DAZAP1: variants seen among roughly 807,000 people sequenced by gnomAD.
DAZAP1 encodes the protein DAZ-associated protein 1.
DAZAP1 carries 6 observed loss-of-function variants against 60.1 expected under a neutral mutation model. The observed-to-expected ratio is 0.10, with a 90% CI of 0.05 to 0.20. The LOEUF is 0.20. DAZAP1 is among the 10% of genes least tolerant of loss of function. The pLI is 1.00. For missense variants in DAZAP1, 366 were observed against 560.4 expected, an observed-to-expected ratio of 0.65 and a Z score of 3.50; for synonymous variants, 235 against 215.9, an observed-to-expected ratio of 1.09 and a Z score of -0.78.
chr19:1,412,858 A>G (rs1038386193), intron 1 of DAZAP1, among the ~76,000 whole-genome samples: 3 of 152,208 alleles, frequency 2.0e-5, no homozygotes, highest in Non-Finnish European at 2.9e-5. Flanking sequence ...GATGTTCATC[A>G]TGACCTTTGA....
At position 1,433,674 on chromosome 19, in the gene DAZAP1, T is replaced by C; in HGVS notation, c.1048+984T>C. ...TGAGGCGCCCGGTTGGGGCGTGGCG[T>C]GTGTCAGCCGCTGCTCTTGGTGGCG... On this transcript the variant is annotated intron_variant, in intron 11 of 11. Coordinates refer to ENST00000233078, the MANE Select transcript of DAZAP1 (RefSeq NM_018959.4). This position sits in a 1 kb window ranked among gnomAD's most constrained non-coding sequence, Gnocchi z 6.1. The C allele has an allele frequency of 7.4e-7, 1 of 1,353,896 alleles. No individual in the cohort carries two copies. The highest frequency in any genetic ancestry group is 1.1e-6 in the Non-Finnish European group (1 of 948,176). 83.9% of individuals were successfully genotyped at this position (1,353,896 alleles called of 1,614,324 possible). A position where few individuals can be genotyped will look rare whatever the true frequency, so the allele number is the denominator to read the frequency against.
In DAZAP1 at chr19:1,434,836, G is replaced by A; in HGVS notation, c.1148G>A (p.Gly383Asp). 2 of 1,553,352 alleles carry A rather than the reference G, an allele frequency of 1.3e-6. No homozygotes were observed. Among genetic ancestry groups the A allele is most frequent in the Non-Finnish European group, 1.7e-6 (2 of 1,152,938 alleles). Residue 383 changes from glycine to aspartate, a missense_variant, in exon 12 of 12, where the codon GGC becomes GAC. Gly to Asp is a moderately conservative substitution (Grantham distance 94). Transcript: ENST00000233078. The surrounding 1 kb of genome is among the most constrained non-coding windows in gnomAD (Gnocchi z 8.0). ...GGTCCCTCCGTGCCAGGGTCGGGGG[G>A]CCCCCCCGCCGGCGGCAGCGGCTTT... ...YGGPSVPGSG[G>D]PPAGGSGFGR... is the part of the protein sequence containing the mutation.
At chr19:1,407,855 T>TCCCCGCCGCC (rs1208769604) in intron 1 of DAZAP1, 53 bp downstream of exon 1, 3 of 1,051,516 alleles carry the variant, frequency 2.9e-6, no homozygotes, top group African/African-American at 1.7e-5. Flanking sequence ...GGCCCGCCGC[T>TCCCCGCCGCC]CCCCGCCGCC....
rs1193898363 is a variant in DAZAP1, at chr19:1,425,415, G to C, written c.464-463G>C. ...CTGACTAAGATGGCGCATTCCACGC[G>C]GGCCCCCGGCCTGCAGGGTTCACTG... On this transcript the variant is annotated intron_variant, in intron 6 of 11. Transcript: ENST00000233078. The surrounding 1 kb of genome is among the most constrained non-coding windows in gnomAD (Gnocchi z 5.4). Among the ~76,000 whole-genome samples, 1 of 152,204 alleles carries C rather than the reference G, an allele frequency of 6.6e-6. No homozygotes were observed. Among genetic ancestry groups the C allele is most frequent in the African/African-American group, 2.4e-5 (1 of 41,454 alleles).
In DAZAP1 at chr19:1,421,213, T is replaced by A; in HGVS notation, c.369T>A (p.Asn123Lys). ...TATTTGTCGGTGGAATTCCTCACAA[T>A]TGTGGTGAGACAGAGCTCAGGGAAT... The part of the protein sequence containing the change: ...NKIFVGGIPH[N>K]CGETELREYF... Residue 123 changes from asparagine to lysine, a missense_variant, in exon 5 of 12, where the codon AAT (asparagine) becomes AAA (lysine). Physicochemically the swap from Asn to Lys is moderately conservative, Grantham distance 94. Transcript: ENST00000233078. The A allele has an allele frequency of 3.1e-6, 5 of 1,614,108 alleles. No individual in the cohort carries two copies. The highest frequency in any genetic ancestry group is 4.2e-6 in the Non-Finnish European group (5 of 1,179,970).
chr19:1,418,686 A>G lies in DAZAP1; in HGVS notation c.258A>G (p.Thr86=). The G allele has an allele frequency of 1.9e-6, 3 of 1,613,692 alleles. No individual in the cohort carries two copies. Among genetic ancestry groups the G allele is most frequent in the Non-Finnish European group, 2.5e-6 (3 of 1,179,868 alleles). ...DGRNIDPKPC[T]PRGMQPERTR... ...TGCAGATCGACCCCAAGCCATGCAC[A>G]CCCCGGGGGATGCAGCCGGAGAGAA... The change falls in exon 4 of 12, where the codon ACA becomes ACG. Residue 86 remains threonine (T), a synonymous_variant. Transcript: ENST00000233078. The surrounding 1 kb of genome is among the most constrained non-coding windows in gnomAD (Gnocchi z 5.7).
At chr19:1,429,828 C>T in intron 8 of DAZAP1, 139 bp from the exon 9 acceptor site, 1 of 999,384 alleles carries the variant, frequency 1.0e-6, no homozygotes. Flanking sequence ...GAGGGCTCTG[C>T]CCTCAGGACG....
rs368596877 is a variant in DAZAP1, at chr19:1,423,893, C to T, written c.463+1497C>T. ...GTGTCGCTGAGTCCACACTGGTGTA[C>T]AGAGCACTTCGGGGCCAGCACGTGG... is the stretch of plus-strand genomic sequence containing the variant. On this transcript the variant is annotated intron_variant, in intron 6 of 11. Coordinates refer to ENST00000233078, the MANE Select transcript of DAZAP1 (RefSeq NM_018959.4). This position sits in a 1 kb window ranked among gnomAD's most constrained non-coding sequence, Gnocchi z 6.8. Among the ~76,000 whole-genome samples the T allele has an allele frequency of 3.3e-5, 5 of 152,224 alleles. No homozygotes were observed. The East Asian group carries it at 7.7e-4, about 23-fold the overall frequency.
At position 1,422,525 on chromosome 19, in the gene DAZAP1, C is replaced by A; in HGVS notation, c.463+129C>A. The A allele has an allele frequency of 2.5e-6, 2 of 795,500 alleles. No homozygotes were observed. Among genetic ancestry groups the A allele is most frequent in the Non-Finnish European group, 4.1e-6 (2 of 486,252 alleles). 49.3% of individuals were successfully genotyped at this position (795,500 alleles called of 1,614,324 possible). A position where few individuals can be genotyped will look rare whatever the true frequency, so the allele number is the denominator to read the frequency against. The stretch of plus-strand genomic sequence containing the variant: ...GCCTCAGGAAGGGACGATTTGGAGA[C>A]AAATGACTAAAACGTGGGCTCCTCA... On this transcript the variant is annotated intron_variant, in intron 6 of 11. Transcript: ENST00000233078. The surrounding 1 kb of genome is among the most constrained non-coding windows in gnomAD (Gnocchi z 4.5).
In DAZAP1 at chr19:1,412,571, A is replaced by G. The variant is rs536903140; in HGVS notation, c.29+4769A>G. On this transcript the variant is annotated intron_variant, in intron 1 of 11. Transcript: ENST00000233078. ...CCCCCATTGAGGCTGCTGGCCCCGAATGGCCGGGCTGGCCGCCGGTTTTTG... is the reference window on the plus strand; with the variant it reads ...CCCCCATTGAGGCTGCTGGCCCCGAGTGGCCGGGCTGGCCGCCGGTTTTTG... 2.6e-5 allele frequency among the ~76,000 whole-genome samples: 4 copies of G among 152,304 alleles called. No individual in the cohort carries two copies. The South Asian group carries it at 8.3e-4, about 32-fold the overall frequency.
At chr19:1,410,812 TA>T (rs2082807609) in intron 1 of DAZAP1, among the ~76,000 whole-genome samples, 1 of 152,220 alleles carries the variant, frequency 6.6e-6, no homozygotes, top group Non-Finnish European at 1.5e-5. Flanking sequence ...TGGAAGATTT[TA>T]TCTGGTACAC....
chr19:1,428,734 A>T lies in DAZAP1; in HGVS notation c.547-108A>T. 1 of 1,315,258 alleles carries T rather than the reference A, an allele frequency of 7.6e-7. No homozygotes were observed. The highest frequency in any genetic ancestry group is 1.1e-6 in the Non-Finnish European group (1 of 948,938). The allele number at this position is 1,315,258 out of a possible 1,614,324, so 81.5% of individuals were successfully genotyped here. ...GGTTTATAGTTAAGTATTTAGTCTT[A>T]AGTTGTAAGATGCTAAGTGTAGTCA... On this transcript the variant is annotated intron_variant, in intron 7 of 11. Transcript: ENST00000233078. The surrounding 1 kb of genome is among the most constrained non-coding windows in gnomAD (Gnocchi z 4.0).
Position 1,423,969 on chromosome 19 carries a change from G to A in DAZAP1, c.463+1573G>A, listed in dbSNP as rs1019936747. ...TGAAAGTGTCCCTTGGGTGTCAGGC[G>A]AGTGGAGGGCCGGAGAGACGCTGCG... On this transcript the variant is annotated intron_variant, in intron 6 of 11. Transcript: ENST00000233078. This position sits in a 1 kb window ranked among gnomAD's most constrained non-coding sequence, Gnocchi z 6.8. Among the ~76,000 whole-genome samples, 2 of 152,226 alleles carry A rather than the reference G, an allele frequency of 1.3e-5. No homozygotes were observed. The highest frequency in any genetic ancestry group is 2.4e-5 in the African/African-American group (1 of 41,456).
At position 1,422,823 on chromosome 19, in the gene DAZAP1, T is replaced by C. The variant is rs935787103; in HGVS notation, c.463+427T>C. Among the ~76,000 whole-genome samples the C allele has an allele frequency of 2.0e-5, 3 of 150,192 alleles. No individual in the cohort carries two copies. Among genetic ancestry groups the C allele is most frequent in the Non-Finnish European group, 4.4e-5 (3 of 67,996 alleles). On this transcript the variant is annotated intron_variant, in intron 6 of 11. Transcript: ENST00000233078. The surrounding 1 kb of genome is among the most constrained non-coding windows in gnomAD (Gnocchi z 4.5). Reference sequence around the variant, plus strand: ...CGTGATCCATCCCATGCTTTTTTTTTCTTTCTTTCTTTTTTCCTTTTCTTT... The same window carrying C: ...CGTGATCCATCCCATGCTTTTTTTTCCTTTCTTTCTTTTTTCCTTTTCTTT...
At chr19:1,429,377 C>T (rs2083384926) in intron 8 of DAZAP1, among the ~76,000 whole-genome samples, 2 of 152,230 alleles carry the variant, frequency 1.3e-5, no homozygotes, top group Admixed American at 6.5e-5. Context: ...CTTGAGGAGC[C>T]GGCAGGCTTT....
intron 1 of DAZAP1, among the ~76,000 whole-genome samples, chr19:1,411,280 G>A (rs537111231): frequency 2.0e-5 from 3 of 152,218 alleles, no homozygotes; most frequent in East Asian, 3.8e-4. Flanking sequence ...CTGGGGCACC[G>A]TGGGCACTGC....
At chr19:1,414,105 T>A (rs535453065) in intron 1 of DAZAP1, among the ~76,000 whole-genome samples, 15 of 150,694 alleles carry the variant, frequency 1.0e-4, no homozygotes, top group Non-Finnish European at 1.6e-4. Flanking sequence ...AACCTCCGCC[T>A]CCCGGGTTCA....
Position 1,429,015 on chromosome 19 carries a change from G to T in DAZAP1, c.700+20G>T. ...CGCAAGGTAAGGCTGATGCAGAGGT[G>T]CCCACGGGAATGTCCCCCTTCTCGG... On this transcript the variant is annotated intron_variant, in intron 8 of 11. Transcript: ENST00000233078. The T allele has an allele frequency of 6.4e-7, 1 of 1,555,980 alleles. No individual in the cohort carries two copies.
intron 6 of DAZAP1, among the ~76,000 whole-genome samples, chr19:1,424,922 C>T (rs999103603): frequency 1.3e-5 from 2 of 152,214 alleles, no homozygotes; most frequent in African/African-American, 2.4e-5. Context: ...CTGGAGAGCC[C>T]GGCGCACTCC....
Sources: allele counts gnomAD v4.1 joint callset (sites outside exome capture counted in the v4.1 genomes callset), GRCh38; gene constraint gnomAD v4.1.1; non-coding constraint Gnocchi (gnomAD v3.1); transcripts MANE v1.5; gene names NCBI Gene and HGNC (gene_info 2026-07-23, HGNC 2026-07-21).